AGAP1: variants seen among roughly 807,000 people sequenced by gnomAD.
AGAP1 encodes ArfGAP with GTPase domain, ankyrin repeat and PH domain 1.
AGAP1 carries 29 observed loss-of-function variants against 105.3 expected under a neutral mutation model. The observed-to-expected ratio is 0.28, with a 90% CI of 0.21 to 0.38. The LOEUF is 0.38. Among genes scored for constraint, AGAP1 ranks in the 10% least tolerant of loss-of-function variants. The pLI, the probability that AGAP1 is intolerant of heterozygous loss-of-function variation, is 1.00. For synonymous variants in AGAP1, 509 were observed against 485.9 expected, an observed-to-expected ratio of 1.05 and a Z score of -0.63; for missense variants, 998 against 1,165.1, an observed-to-expected ratio of 0.86 and a Z score of 2.09.
At chr2:235,711,330 T>TC (rs1413180190) in intron 2 of AGAP1, among the ~76,000 whole-genome samples, 1 of 152,210 alleles carries the variant, frequency 6.6e-6, no homozygotes, top group Non-Finnish European at 1.5e-5. Flanking sequence ...ACTTGGCAGT[T>TC]CAAGGTGTTA....
At chr2:235,542,177 C>A (rs1943465136) in intron 1 of AGAP1, among the ~76,000 whole-genome samples, 1 of 151,648 alleles carries the variant, frequency 6.6e-6, no homozygotes, top group African/African-American at 2.4e-5. Flanking sequence ...GACTTCAGAG[C>A]AAGACCTAGG....
Position 235,864,110 on chromosome 2 carries a change from TA to T in AGAP1, c.1051-19233del, listed in dbSNP as rs1302364429. On this transcript the variant is annotated intron_variant, in intron 9 of 17. Transcript: ENST00000304032. The surrounding 1 kb of genome is among the most constrained non-coding windows in gnomAD (Gnocchi z 5.0). ...GCAAGCGGGCCGTTCCCACGTGATT[TA>T]ATAAACAGTTGCTGTAGCATGTGTA... Among the ~76,000 whole-genome samples, 2 of 152,248 alleles carry T rather than the reference TA, an allele frequency of 1.3e-5. No homozygotes were observed. Among genetic ancestry groups the T allele is most frequent in the Non-Finnish European group, 2.9e-5 (2 of 68,048 alleles).
intron 9 of AGAP1, among the ~76,000 whole-genome samples, chr2:235,823,396 G>A (rs772606873): frequency 2.6e-5 from 4 of 152,040 alleles, no homozygotes; most frequent in Admixed American, 2.6e-4. Flanking sequence ...TATCCTCTCC[G>A]AGTAGCTGGG....
intron 1 of AGAP1, among the ~76,000 whole-genome samples, chr2:235,638,014 C>T (rs552964460): frequency 3.3e-5 from 5 of 152,260 alleles, no homozygotes; most frequent in South Asian, 2.1e-4. Context: ...TTCTACTGAT[C>T]GAGCTGTTAT....
In AGAP1 at chr2:235,712,709, T is replaced by C. The variant is rs896270556; in HGVS notation, c.222+3472T>C. On this transcript the variant is annotated intron_variant, in intron 2 of 17. Transcript: ENST00000304032. This position sits in a 1 kb window ranked among gnomAD's most constrained non-coding sequence, Gnocchi z 6.0. ...ATGTGCCTGCACAGACGGTGACCCC[T>C]GCACAGAGGTTGACAGTGGCAACCT... Among the ~76,000 whole-genome samples, 10 of 152,074 alleles carry C rather than the reference T, an allele frequency of 6.6e-5. No homozygotes were observed. The highest frequency in any genetic ancestry group is 1.7e-4 in the African/African-American group (7 of 41,312).
intron 1 of AGAP1, among the ~76,000 whole-genome samples, chr2:235,587,395 C>CA (rs139028215): frequency 1.2e-3 from 178 of 152,294 alleles, no homozygotes; most frequent in Non-Finnish European, 2.0e-3. Context: ...GAGCTCAGGG[C>CA]AGCGGGATGC....
chr2:235,923,891 G>A (rs560105154), intron 11 of AGAP1, among the ~76,000 whole-genome samples: 7 of 152,274 alleles, frequency 4.6e-5, no homozygotes, highest in African/African-American at 1.4e-4. Context: ...GAAAAAAAAA[G>A]AAGTGGACTT....
intron 6 of AGAP1, among the ~76,000 whole-genome samples, chr2:235,773,156 C>A (rs144883514): frequency 1.3e-5 from 2 of 152,138 alleles, no homozygotes; most frequent in Non-Finnish European, 2.9e-5. Flanking sequence ...AGCATAGGGG[C>A]TCAAGAACCC....
rs73126415 is a variant in AGAP1 at position 235,713,913 on chromosome 2, A to G, written c.223-3644A>G. Among the ~76,000 whole-genome samples, 254 of 152,328 alleles carry G rather than the reference A, an allele frequency of 1.7e-3. 1 individual carries two copies. Among genetic ancestry groups the G allele is most frequent in the African/African-American group, 5.9e-3 (244 of 41,568 alleles). On this transcript the variant is annotated intron_variant, in intron 2 of 17. Transcript: ENST00000304032. Reference sequence around the variant, plus strand: ...GAGGAAGACGCGAGAGGTCTTTCTCAGGCCTCTTCTACAAGGGCGCTAATC... The same window carrying G: ...GAGGAAGACGCGAGAGGTCTTTCTCGGGCCTCTTCTACAAGGGCGCTAATC...
At chr2:235,955,619 C>A (rs562421595) in intron 12 of AGAP1, among the ~76,000 whole-genome samples, 1 of 152,270 alleles carries the variant, frequency 6.6e-6, no homozygotes, top group Admixed American at 6.5e-5. Context: ...GAAAAGAATC[C>A]TATTACTTAT....
At position 236,123,963 on chromosome 2, in the gene AGAP1, T is replaced by A. The variant is rs11895915; in HGVS notation, c.2415T>A (p.Ala805=). The part of the protein sequence containing the change: ...VTARDAHGNT[A]LAYARQASSQ... ...CCCGAGATGCCCACGGGAACACAGC[T>A]CTGGCCTACGCCCGGCAGGCCTCCA... Residue 805 remains alanine, a synonymous_variant, in exon 18 of 18, where the codon GCT becomes GCA. Transcript: ENST00000304032. The surrounding 1 kb of genome is among the most constrained non-coding windows in gnomAD (Gnocchi z 4.6). 18 of 1,613,258 alleles carry A rather than the reference T, an allele frequency of 1.1e-5. No individual in the cohort carries two copies. Among genetic ancestry groups the A allele is most frequent in the Middle Eastern group, 1.7e-4 (1 of 5,948 alleles).
At chr2:235,572,982 CT>C (rs1438463589) in intron 1 of AGAP1, among the ~76,000 whole-genome samples, 3 of 27,048 alleles carry the variant, frequency 1.1e-4, no homozygotes, top group Non-Finnish European at 2.0e-4. Context: ...CTTTTTTCTT[CT>C]TCTTCTTCTT....
intron 12 of AGAP1, among the ~76,000 whole-genome samples, chr2:235,939,862 G>C (rs985610431): frequency 4.0e-5 from 6 of 151,816 alleles, no homozygotes; most frequent in African/African-American, 1.5e-4. Flanking sequence ...CCAGAACTCA[G>C]CTCTCTCCTG....
In AGAP1 at chr2:235,824,916, T is replaced by C. The variant is rs1377520422; in HGVS notation, c.1050+17585T>C. 6.6e-6 allele frequency among the ~76,000 whole-genome samples: 1 copy of C among 152,248 alleles called. No individual in the cohort carries two copies. The highest frequency in any genetic ancestry group is 2.4e-5 in the African/African-American group (1 of 41,466). ...TATGTCTCACGTTTACAGGCGCTTT[T>C]CTGATTTTTCTTTCCCCCTAATGGA... On this transcript the variant is annotated intron_variant, in intron 9 of 17. Transcript: ENST00000304032. The surrounding 1 kb of genome is among the most constrained non-coding windows in gnomAD (Gnocchi z 5.2).
intron 9 of AGAP1, among the ~76,000 whole-genome samples, chr2:235,839,567 G>A (rs958665498): frequency 1.6e-4 from 25 of 152,174 alleles, no homozygotes; most frequent in African/African-American, 6.0e-4. Context: ...CAGCCTGGGC[G>A]ACAGAGCAAG....
rs113801088 is a variant in AGAP1, at chr2:235,498,180, G to A, written c.163+3331G>A. 1.0e-3 allele frequency among the ~76,000 whole-genome samples: 157 copies of A among 152,254 alleles called. 2 individuals carry two copies. Among genetic ancestry groups the A allele is most frequent in the Non-Finnish European group, 1.9e-3 (132 of 68,008 alleles). On this transcript the variant is annotated intron_variant, in intron 1 of 17. Transcript: ENST00000304032. ...AAGGCTCCCAAATAAAAACACATCC[G>A]TAATCCTGTTTGTAGGCATGGGATA... is the stretch of plus-strand genomic sequence containing the variant.
intron 1 of AGAP1, among the ~76,000 whole-genome samples, chr2:235,576,251 TG>T (rs1944729065): frequency 6.6e-6 from 1 of 152,202 alleles, no homozygotes; most frequent in African/African-American, 2.4e-5. Flanking sequence ...TATGAGTCTT[TG>T]TCCAGTTTGT....
rs547886392 is a variant in AGAP1 at position 235,553,995 on chromosome 2, T to G, written c.163+59146T>G. Among the ~76,000 whole-genome samples the G allele has an allele frequency of 5.9e-5, 9 of 152,320 alleles. No homozygotes were observed. In the South Asian group the frequency reaches 1.9e-3, roughly 32 times the overall value. Reference sequence around the variant, plus strand: ...TTACTGGGTGGACAAAGGTTTTCTGTGTGACTCACCTCTGGCCAGAAATTT... The same window carrying G: ...TTACTGGGTGGACAAAGGTTTTCTGGGTGACTCACCTCTGGCCAGAAATTT... On this transcript the variant is annotated intron_variant, in intron 1 of 17. Coordinates refer to ENST00000304032, the MANE Select transcript of AGAP1 (RefSeq NM_001037131.3). This position sits in a 1 kb window ranked among gnomAD's most constrained non-coding sequence, Gnocchi z 4.5.
chr2:236,048,814 T>C (rs1223407118), intron 15 of AGAP1, among the ~76,000 whole-genome samples: 1 of 152,190 alleles, frequency 6.6e-6, no homozygotes, highest in Admixed American at 6.5e-5. Flanking sequence ...CTGTCAATTA[T>C]TTATTGTGCG....
Sources: allele counts gnomAD v4.1 joint callset (sites outside exome capture counted in the v4.1 genomes callset), GRCh38; gene constraint gnomAD v4.1.1; non-coding constraint Gnocchi (gnomAD v3.1); transcripts MANE v1.5; gene names NCBI Gene and HGNC (gene_info 2026-07-23, HGNC 2026-07-21).